Variants in ERCC6L2 observed in about 807,000 individuals in gnomAD.
ERCC6L2 encodes the protein DNA excision repair protein ERCC-6-like 2.
In ERCC6L2, 77 loss-of-function variants were observed where a neutral mutation model predicts 132.0. The ratio of observed to expected loss-of-function variants is 0.58; its 90% CI spans 0.49 to 0.71. ERCC6L2 has a LOEUF of 0.71. Ranked by LOEUF, ERCC6L2 falls within the 30% of genes least tolerant of loss-of-function variation. The pLI is 0.00. For missense variants in ERCC6L2, 1,542 were observed against 1,837.6 expected (o/e 0.84, Z 2.94); for synonymous variants, 583 against 632.4 (o/e 0.92, Z 1.17).
At chr9:95,966,747 AT>A in intron 14 of ERCC6L2, 33 bp downstream of exon 14, 1 of 1,373,156 alleles carries the variant, frequency 7.3e-7, no homozygotes, top group Non-Finnish European at 9.5e-7. Context: ...TTTCAATAAT[AT>A]TTTAAATACA....
In ERCC6L2 at chr9:96,015,970, C is replaced by T. The variant is rs147601752; in HGVS notation, c.*2767C>T. On this transcript the variant is annotated 3_prime_UTR_variant, in exon 19 of 19. Transcript: ENST00000653738. ...GTATGAAAAGGAGCCTGTTTCAGAACGGAAACTGTCAGGTGGAGTGGACTC... is the reference window on the plus strand; with the variant it reads ...GTATGAAAAGGAGCCTGTTTCAGAATGGAAACTGTCAGGTGGAGTGGACTC... 2.6e-5 allele frequency among the ~76,000 whole-genome samples: 4 copies of T among 152,096 alleles called. No homozygotes were observed. The highest frequency in any genetic ancestry group is 6.5e-5 in the Admixed American group (1 of 15,272).
chr9:95,991,432 G>A (rs1257165512), intron 17 of ERCC6L2, among the ~76,000 whole-genome samples: 1 of 152,138 alleles, frequency 6.6e-6, no homozygotes, highest in East Asian at 1.9e-4. Context: ...TAAAGCACTT[G>A]TATAATTGTT....
intron 17 of ERCC6L2, among the ~76,000 whole-genome samples, chr9:96,001,739 G>A (rs912271277): frequency 2.0e-5 from 3 of 152,268 alleles, no homozygotes; most frequent in African/African-American, 4.8e-5. Flanking sequence ...CCCTTGGGTG[G>A]TTGATGGGAC....
At chr9:95,987,093 C>G (rs1203779111) in intron 17 of ERCC6L2, among the ~76,000 whole-genome samples, 1 of 152,130 alleles carries the variant, frequency 6.6e-6, no homozygotes. Flanking sequence ...TCAATTATCT[C>G]CCATCGAGTA....
At chr9:95,984,465 T>C (rs1230831764) in intron 17 of ERCC6L2, among the ~76,000 whole-genome samples, 3 of 151,898 alleles carry the variant, frequency 2.0e-5, no homozygotes, top group South Asian at 2.1e-4. Context: ...CACTCTCCCA[T>C]TCAAGATCTA....
At chr9:96,019,759 C>G (rs535719673), downstream of ERCC6L2, 1 of 152,240 alleles carries the variant, frequency 6.6e-6, no homozygotes, top group Non-Finnish European at 1.5e-5. Context: ...TTAATTGGCT[C>G]ACAGTTCCTT....
chr9:95,908,032 G>A (rs558530683), intron 4 of ERCC6L2, among the ~76,000 whole-genome samples: 5 of 152,036 alleles, frequency 3.3e-5, no homozygotes, highest in African/African-American at 7.2e-5. Flanking sequence ...GCAGATTACC[G>A]ATAGGATAAA....
intron 19 of ERCC6L2, among the ~76,000 whole-genome samples, chr9:96,024,092 G>A (rs1261342917): frequency 1.3e-5 from 2 of 152,220 alleles, no homozygotes; most frequent in African/African-American, 4.8e-5. Context: ...TCACTTTCCA[G>A]AAGGGAACCG....
intron 18 of ERCC6L2, among the ~76,000 whole-genome samples, chr9:96,005,432 A>G (rs1481531388): frequency 9.2e-5 from 14 of 152,090 alleles, no homozygotes; most frequent in African/African-American, 3.4e-4. Flanking sequence ...AAGAAAAAAG[A>G]GAAAGAGAAT....
intron 20 of ERCC6L2, among the ~76,000 whole-genome samples, chr9:96,040,643 C>A (rs1397452865): frequency 6.6e-6 from 1 of 152,220 alleles, no homozygotes. Context: ...CTGGGTGGTC[C>A]CTGCCCCCTG....
intron 17 of ERCC6L2, among the ~76,000 whole-genome samples, chr9:95,983,998 A>G (rs907365891): frequency 6.6e-6 from 1 of 151,958 alleles, no homozygotes; most frequent in Admixed American, 6.6e-5. Flanking sequence ...ATTTTTCAAG[A>G]TAACTTGTCT....
intron 12 of ERCC6L2, among the ~76,000 whole-genome samples, chr9:95,946,404 T>A (rs1235671929): frequency 2.6e-5 from 4 of 152,082 alleles, no homozygotes; most frequent in Non-Finnish European, 5.9e-5. Context: ...GGCAGGCGCT[T>A]GTAGTCCCAG....
intron 19 of ERCC6L2, among the ~76,000 whole-genome samples, chr9:96,029,324 CA>C (rs955836656): frequency 3.2e-4 from 33 of 104,760 alleles, no homozygotes; most frequent in Admixed American, 4.0e-4. Context: ...AAAAAAAAAA[CA>C]AAAAAAAAAT....
intron 19 of ERCC6L2, among the ~76,000 whole-genome samples, chr9:96,026,471 G>A (rs1011788201): frequency 6.6e-6 from 1 of 152,064 alleles, no homozygotes. Context: ...GGAGTCTCTG[G>A]GTCAGCTGGT....
At chr9:95,944,686 A>AT (rs1830967400) in intron 12 of ERCC6L2, among the ~76,000 whole-genome samples, 1 of 151,650 alleles carries the variant, frequency 6.6e-6, no homozygotes, top group Non-Finnish European at 1.5e-5. Flanking sequence ...TTTTTTTTCT[A>AT]TTTTCCCTAA....
In ERCC6L2 at chr9:95,973,186, A is replaced by G. The variant is rs570207988; in HGVS notation, c.3337+98A>G. ...AATTAACTTGTAAAACAGCCCTAAA[A>G]TCAAGATGCTGCATTGAGGCACAAA... On this transcript the variant is annotated intron_variant, in intron 16 of 18. Coordinates refer to ENST00000653738, the MANE Select transcript of ERCC6L2 (RefSeq NM_020207.7). The G allele has an allele frequency of 4.5e-4, 359 of 801,594 alleles. No individual in the cohort carries two copies. The African/African-American group carries it at 6.0e-3, about 13-fold the overall frequency. The allele number at this position is 801,594 out of a possible 1,614,324, so 49.7% of individuals were successfully genotyped here.
At chr9:95,913,675 C>G (rs1255630019) in intron 4 of ERCC6L2, among the ~76,000 whole-genome samples, 4 of 152,206 alleles carry the variant, frequency 2.6e-5, no homozygotes, top group Non-Finnish European at 5.9e-5. Flanking sequence ...GCTTCCATCT[C>G]CAGTCCCTGG....
Position 96,004,647 on chromosome 9 carries a change from AC to A in ERCC6L2, c.3622del (p.His1208IlefsTer8). ...GTAAACCAGAAGAAGAAAAAAGTCT[AC>A]CATACAAACCAGACCACCTTCATAA... The part of the protein sequence containing the change: ...NPVNQKKKKV[Y>X]HTNQTTFIIG... On this transcript the variant is annotated frameshift_variant, in exon 18 of 19. Coordinates refer to ENST00000653738, the MANE Select transcript of ERCC6L2 (RefSeq NM_020207.7). LOFTEE classifies it high-confidence loss of function. 7.5e-7 allele frequency: 1 copy of A among 1,337,458 alleles called. No homozygotes were observed. Among genetic ancestry groups the A allele is most frequent in the Non-Finnish European group, 9.9e-7 (1 of 1,005,614 alleles). The allele number at this position is 1,337,458 out of a possible 1,614,324, so 82.8% of individuals were successfully genotyped here. A position where few individuals can be genotyped will look rare whatever the true frequency, so the allele number is the denominator to read the frequency against.
Position 95,928,828 on chromosome 9 carries a change from G to A in ERCC6L2, c.1715G>A (p.Ser572Asn). 6.2e-7 allele frequency: 1 copy of A among 1,607,056 alleles called. No homozygotes were observed. The change falls in exon 11 of 19, where the codon AGT becomes AAT. Residue 572 changes from serine to asparagine, a missense_variant. By Grantham distance (46) the Ser-to-Asn change is conservative. Around this residue, in one of 4 missense-constraint regions of ERCC6L2, gnomAD observed 945 missense variants for 1,105.2 expected, o/e 0.86. Coordinates refer to ENST00000653738, the MANE Select transcript of ERCC6L2 (RefSeq NM_020207.7). ...CTCAAGATTGTAAAAGAGTTCAACAGTACACAAGATGTTAACATTTGCCTT... is the reference window on the plus strand; with the variant it reads ...CTCAAGATTGTAAAAGAGTTCAACAATACACAAGATGTTAACATTTGCCTT... The part of the protein sequence containing the change: ...ERLKIVKEFN[S>N]TQDVNICLVS...
Sources: gnomAD v4.1 joint callset for allele counts (sites outside exome capture counted in the v4.1 genomes callset) on GRCh38, gnomAD v4.1.1 for gene constraint, gnomAD v4.1.1 regional missense constraint, MANE v1.5 for transcripts, NCBI Gene and HGNC (gene_info 2026-07-23, HGNC 2026-07-21) for gene names.